IQSEC1: variants seen among roughly 807,000 people sequenced by gnomAD.
The protein encoded by IQSEC1 is IQ motif and Sec7 domain ArfGEF 1.
IQSEC1 carries 31 observed loss-of-function variants against 91.0 expected under a neutral mutation model. That is an observed-to-expected ratio of 0.34 (90% CI 0.26 to 0.46). The LOEUF is 0.46. Ranked by LOEUF, IQSEC1 falls within the 20% of genes least tolerant of loss-of-function variation. The pLI is 1.00. For synonymous variants in IQSEC1, 699 were observed against 662.6 expected, an observed-to-expected ratio of 1.05 and a Z score of -0.84; for missense variants, 1,388 against 1,575.6, an observed-to-expected ratio of 0.88 and a Z score of 2.02.
At chr3:13,073,694 AAGGCG>A (rs1194943087), upstream of IQSEC1, among the ~76,000 whole-genome samples, 3 of 152,224 alleles carry the variant, frequency 2.0e-5, no homozygotes, top group Admixed American at 2.0e-4. Flanking sequence ...ACTACTTTCC[AAGGCG>A]GCTTTTCTGC....
intron 1 of IQSEC1, among the ~76,000 whole-genome samples, chr3:13,194,474 C>T (rs1366123833): frequency 1.3e-5 from 2 of 152,160 alleles, no homozygotes; most frequent in East Asian, 3.9e-4. Context: ...CCAGGCACTG[C>T]CCACCGCTCT....
At chr3:13,165,226 T>C (rs536357897) in intron 1 of IQSEC1, among the ~76,000 whole-genome samples, 5 of 152,230 alleles carry the variant, frequency 3.3e-5, no homozygotes, top group African/African-American at 1.2e-4. Flanking sequence ...CTCCAGCAAT[T>C]CTAATTCAGC....
rs1342818065 is a variant in IQSEC1 at position 13,207,387 on chromosome 3, G to A, written c.273-43254C>T. ...CTCCACGGCCACCTCCCTGACCCAA[G>A]CCCCGTCTTCTCTGCCAGGTCCCTG... On this transcript the variant is annotated intron_variant, in intron 1 of 15. Transcript: ENST00000648114. The surrounding 1 kb of genome is among the most constrained non-coding windows in gnomAD (Gnocchi z 4.8). 2.0e-5 allele frequency among the ~76,000 whole-genome samples: 3 copies of A among 151,864 alleles called. No individual in the cohort carries two copies. The highest frequency in any genetic ancestry group is 4.4e-5 in the Non-Finnish European group (3 of 67,972).
chr3:12,958,203 C>A (rs1700036508), intron 1 of IQSEC1, among the ~76,000 whole-genome samples: 1 of 152,208 alleles, frequency 6.6e-6, no homozygotes. Flanking sequence ...CTGCCAGGCC[C>A]CACAGCAAGT....
chr3:13,141,023 A>G (rs1576268605), intron 2 of IQSEC1, among the ~76,000 whole-genome samples: 1 of 152,376 alleles, frequency 6.6e-6, no homozygotes, highest in East Asian at 1.9e-4. Context: ...CACCACGACG[A>G]AGGGCACTGA....
chr3:13,131,204 T>G (rs1182480357), intron 2 of IQSEC1, among the ~76,000 whole-genome samples: 1 of 152,210 alleles, frequency 6.6e-6, no homozygotes, highest in Non-Finnish European at 1.5e-5. Context: ...ATTGACCCCT[T>G]GATTATGGAG....
chr3:12,924,491 G>A lies in IQSEC1; in HGVS notation c.1730+90C>T, dbSNP rs528326431. The A allele has an allele frequency of 7.4e-7, 1 of 1,343,354 alleles. No homozygotes were observed. The highest frequency in any genetic ancestry group is 1.0e-6 in the Non-Finnish European group (1 of 991,838). The allele number at this position is 1,343,354 out of a possible 1,614,324, so 83.2% of individuals were successfully genotyped here. A position where few individuals can be genotyped will look rare whatever the true frequency, so the allele number is the denominator to read the frequency against. ...ACCACATGTCCCAGCAAGTAGGGTG[G>A]GCCTGGCCCTGTGTGTGCCCACGGG... On this transcript the variant is annotated intron_variant, in intron 4 of 13. Coordinates refer to ENST00000613206, the MANE Select transcript of IQSEC1 (RefSeq NM_001134382.3). This position sits in a 1 kb window ranked among gnomAD's most constrained non-coding sequence, Gnocchi z 6.3.
chr3:13,260,425 A>G (rs1327699694), intron 1 of IQSEC1, among the ~76,000 whole-genome samples: 1 of 152,188 alleles, frequency 6.6e-6, no homozygotes, highest in Non-Finnish European at 1.5e-5. Context: ...TAATCCCTGA[A>G]TGGCTTCTGT....
At position 12,899,234 on chromosome 3, in the gene IQSEC1, G is replaced by A; in HGVS notation, c.*1749C>T. 1 of 779,672 alleles carries A rather than the reference G, an allele frequency of 1.3e-6. No homozygotes were observed. Among genetic ancestry groups the A allele is most frequent in the Non-Finnish European group, 2.1e-6 (1 of 487,420 alleles). The allele number at this position is 779,672 out of a possible 1,614,324, so 48.3% of individuals were successfully genotyped here. A position where few individuals can be genotyped will look rare whatever the true frequency, so the allele number is the denominator to read the frequency against. On this transcript the variant is annotated 3_prime_UTR_variant, in exon 14 of 14. Transcript: ENST00000613206. ...CAGCCAAGGTGACACACAGCCAGAG[G>A]GGGCTCCCCTCTCCTCCTGCCGTCC...
intron 13 of IQSEC1, 120 bp from the exon 14 acceptor site, chr3:12,901,642 C>T: frequency 4.7e-6 from 4 of 850,924 alleles, no homozygotes; most frequent in Non-Finnish European, 7.3e-6. Flanking sequence ...GTTCAACTCA[C>T]TGGCCAGAGG....
At chr3:13,173,139 A>G (rs1693651045) in intron 1 of IQSEC1, among the ~76,000 whole-genome samples, 1 of 152,144 alleles carries the variant, frequency 6.6e-6, no homozygotes, top group Admixed American at 6.5e-5. Context: ...AATCTGAGAA[A>G]CCTCCAAGGA....
At chr3:12,963,429 C>G (rs2125497231) in intron 1 of IQSEC1, among the ~76,000 whole-genome samples, 1 of 152,348 alleles carries the variant, frequency 6.6e-6, no homozygotes, top group East Asian at 1.9e-4. Flanking sequence ...AGTCTTCAAC[C>G]TCACAAACGA....
At chr3:13,258,920 G>A (rs1012841581) in intron 1 of IQSEC1, among the ~76,000 whole-genome samples, 1 of 152,130 alleles carries the variant, frequency 6.6e-6, no homozygotes, top group Non-Finnish European at 1.5e-5. Flanking sequence ...TCTGGCAGGT[G>A]TTGCCTCACA....
intron 1 of IQSEC1, among the ~76,000 whole-genome samples, chr3:13,264,382 G>A (rs74822280): frequency 0.049 from 7,392 of 152,274 alleles, 587 homozygotes; most frequent in African/African-American, 0.17. Flanking sequence ...GCAGAAGGGC[G>A]GACACGGTGA....
chr3:13,036,930 C>T (rs1704059134), intron 1 of IQSEC1, among the ~76,000 whole-genome samples: 1 of 152,176 alleles, frequency 6.6e-6, no homozygotes, highest in Admixed American at 6.5e-5. Context: ...GGTGAGGTTG[C>T]AAAGTCAGCG....
chr3:13,230,327 G>T (rs1447514674), intron 1 of IQSEC1, among the ~76,000 whole-genome samples: 1 of 152,080 alleles, frequency 6.6e-6, no homozygotes, highest in Non-Finnish European at 1.5e-5. Flanking sequence ...TCACAAAATT[G>T]ACCTTGTTCG....
chr3:13,046,566 T>G (rs1307828392), intron 1 of IQSEC1, among the ~76,000 whole-genome samples: 1 of 152,216 alleles, frequency 6.6e-6, no homozygotes, highest in Non-Finnish European at 1.5e-5. Context: ...TGTGAGTCTC[T>G]TTTTGGGCTT....
chr3:12,902,655 C>CA, intron 13 of IQSEC1, 118 bp downstream of exon 13: 3 of 357,124 alleles, frequency 8.4e-6, no homozygotes, highest in Non-Finnish European at 9.2e-6. Flanking sequence ...AAAAAAAAAA[C>CA]AACAAAAAAA....
At chr3:13,231,339 A>G (rs1045504282) in intron 1 of IQSEC1, among the ~76,000 whole-genome samples, 2 of 152,230 alleles carry the variant, frequency 1.3e-5, no homozygotes, top group African/African-American at 4.8e-5. Context: ...TTGAGCTACT[A>G]TAACAAGATG....
Sources: gnomAD v4.1 joint callset for allele counts (sites outside exome capture counted in the v4.1 genomes callset) on GRCh38, gnomAD v4.1.1 for gene constraint, Gnocchi (gnomAD v3.1) non-coding constraint, MANE v1.5 for transcripts, NCBI Gene and HGNC (gene_info 2026-07-23, HGNC 2026-07-21) for gene names.